The following DDX4 variants were observed in gnomAD, a reference collection of about 807,000 sequenced individuals.
DDX4 encodes the protein DEAD-box helicase 4.
In DDX4, 25 loss-of-function variants were observed where a neutral mutation model predicts 100.0. The observed-to-expected ratio is 0.25, with a 90% CI of 0.18 to 0.35. The LOEUF is 0.35. DDX4 is among the 10% of genes least tolerant of loss of function. The pLI is 1.00. For missense variants in DDX4, 635 were observed against 882.4 expected, an observed-to-expected ratio of 0.72 and a Z score of 3.55; for synonymous variants, 259 against 275.7, an observed-to-expected ratio of 0.94 and a Z score of 0.60.
rs200621381 is a variant in DDX4 at position 55,738,975 on chromosome 5, A to C, written c.12A>C (p.Glu4Asp). 6.2e-7 allele frequency: 1 copy of C among 1,603,914 alleles called. No individual in the cohort carries two copies. Residue 4 changes from glutamate to aspartate, a missense_variant, in exon 2 of 22, where the codon GAA becomes GAC. Glu to Asp is a conservative substitution (Grantham distance 45, BLOSUM62 2). Around this residue, in one of 4 missense-constraint regions of DDX4, gnomAD observed 446 missense variants for 540.8 expected, o/e 0.82. Coordinates refer to ENST00000505374, the MANE Select transcript of DDX4 (RefSeq NM_024415.3). Reference sequence around the variant, plus strand: ...AACTTGAAGCCACCATGGGAGATGAAGATTGGGAAGCAGAAATCAACCCTC... The same window carrying C: ...AACTTGAAGCCACCATGGGAGATGACGATTGGGAAGCAGAAATCAACCCTC... MGD[E>D]DWEAEINPHM... is the part of the protein sequence containing the mutation.
At chr5:55,783,838 GTT>G (rs147016073) in intron 10 of DDX4, among the ~76,000 whole-genome samples, 41 of 144,050 alleles carry the variant, frequency 2.8e-4, no homozygotes, top group East Asian at 6.2e-4. Flanking sequence ...AACCAGTAAA[GTT>G]TTTTTTTTTT....
chr5:55,742,162 G>A (rs905223884), intron 2 of DDX4: 2 of 456,286 alleles, frequency 4.4e-6, no homozygotes, highest in African/African-American at 2.0e-5. Flanking sequence ...ATTTTATAAT[G>A]TGGCAATTAT....
At chr5:55,783,704 T>A (rs1742071975) in intron 10 of DDX4, among the ~76,000 whole-genome samples, 1 of 151,466 alleles carries the variant, frequency 6.6e-6, no homozygotes, top group African/African-American at 2.4e-5. Context: ...GATGGATGGA[T>A]GAGAAGGAAC....
intron 17 of DDX4, among the ~76,000 whole-genome samples, chr5:55,796,302 C>T (rs1007129794): frequency 6.6e-6 from 1 of 152,172 alleles, no homozygotes; most frequent in Admixed American, 6.5e-5. Context: ...CTAGGCATCC[C>T]TCAATATAAT....
intron 4 of DDX4, among the ~76,000 whole-genome samples, chr5:55,761,695 C>T (rs1377670835): frequency 5.3e-5 from 8 of 152,018 alleles, no homozygotes; most frequent in Admixed American, 3.9e-4. Flanking sequence ...GCAACCTTCA[C>T]CTCCCAGGTT....
At chr5:55,794,795 T>C (rs1427496491) in intron 17 of DDX4, among the ~76,000 whole-genome samples, 1 of 152,144 alleles carries the variant, frequency 6.6e-6, no homozygotes, top group Non-Finnish European at 1.5e-5. Flanking sequence ...TTGCTTCATT[T>C]TATCTGTTCT....
chr5:55,802,586 A>G (rs1039861560), intron 18 of DDX4, among the ~76,000 whole-genome samples: 3 of 152,190 alleles, frequency 2.0e-5, no homozygotes, highest in Non-Finnish European at 4.4e-5. Context: ...AGGGTCTAAA[A>G]GTTGTCAAAG....
intron 15 of DDX4, among the ~76,000 whole-genome samples, chr5:55,790,132 T>C (rs962685110): frequency 7.8e-5 from 11 of 140,632 alleles, no homozygotes; most frequent in South Asian, 6.9e-4. Context: ...TCAAGTAAAA[T>C]ATCACCTTTT....
intron 2 of DDX4, among the ~76,000 whole-genome samples, chr5:55,740,975 A>G (rs529759452): frequency 6.6e-4 from 100 of 152,294 alleles, no homozygotes; most frequent in Non-Finnish European, 1.2e-3. Flanking sequence ...ATTTTTTTCA[A>G]AAATGGAATT....
chr5:55,744,122 TG>T (rs1759129213), intron 2 of DDX4, among the ~76,000 whole-genome samples: 1 of 152,194 alleles, frequency 6.6e-6, no homozygotes, highest in African/African-American at 2.4e-5. Flanking sequence ...CCCTTAATGA[TG>T]ACTCGGAAAA....
intron 6 of DDX4, among the ~76,000 whole-genome samples, chr5:55,766,009 G>A (rs1487131566): frequency 6.6e-6 from 1 of 150,732 alleles, no homozygotes; most frequent in Non-Finnish European, 1.5e-5. Flanking sequence ...AGTAGAGACG[G>A]GGTTTCGTCA....
At chr5:55,768,406 G>A (rs1171094159) in intron 7 of DDX4, among the ~76,000 whole-genome samples, 1 of 152,084 alleles carries the variant, frequency 6.6e-6, no homozygotes, top group East Asian at 1.9e-4. Flanking sequence ...TCCTGCATTA[G>A]TTTGCTTAGA....
At chr5:55,795,384 AT>A (rs1742869547) in intron 17 of DDX4, among the ~76,000 whole-genome samples, 1 of 152,102 alleles carries the variant, frequency 6.6e-6, no homozygotes, top group Non-Finnish European at 1.5e-5. Context: ...CGTTTTCTTT[AT>A]TCTGGTTATT....
At chr5:55,758,411 G>A (rs920696265) in intron 3 of DDX4, among the ~76,000 whole-genome samples, 11 of 152,128 alleles carry the variant, frequency 7.2e-5, no homozygotes, top group African/African-American at 2.2e-4. Flanking sequence ...ATGTTGGTCT[G>A]TAGAATGAGT....
chr5:55,758,118 A>G (rs1760056913), intron 3 of DDX4, among the ~76,000 whole-genome samples: 1 of 152,178 alleles, frequency 6.6e-6, no homozygotes, highest in Admixed American at 6.5e-5. Flanking sequence ...ACAAACTCTC[A>G]TCATTCCTTA....
chr5:55,807,938 G>C (rs941509060), intron 18 of DDX4, among the ~76,000 whole-genome samples: 9 of 152,162 alleles, frequency 5.9e-5, no homozygotes. Flanking sequence ...CATTCTCCCT[G>C]TCACTTTCAG....
intron 3 of DDX4, chr5:55,750,346 G>T: frequency 6.5e-6 from 1 of 153,968 alleles, no homozygotes. Flanking sequence ...ATAGCTTGCA[G>T]CTAGAATAAG....
chr5:55,779,229 C>T (rs998743644), intron 7 of DDX4, among the ~76,000 whole-genome samples: 22 of 152,052 alleles, frequency 1.4e-4, no homozygotes, highest in Non-Finnish European at 2.5e-4. Context: ...GAAAAGGTTC[C>T]AGAAGATACA....
intron 3 of DDX4, among the ~76,000 whole-genome samples, chr5:55,754,584 A>C (rs1025777205): frequency 1.4e-3 from 215 of 150,960 alleles, no homozygotes; most frequent in African/African-American, 3.6e-3. Flanking sequence ...CCAGTATTTT[A>C]TTGAGGATTT....
Sources: gnomAD v4.1 joint callset for allele counts (sites outside exome capture counted in the v4.1 genomes callset) on GRCh38, gnomAD v4.1.1 for gene constraint, gnomAD v4.1.1 regional missense constraint, MANE v1.5 for transcripts, NCBI Gene and HGNC (gene_info 2026-07-23, HGNC 2026-07-21) for gene names.